Variants in SNRPN observed in about 807,000 individuals in gnomAD.
SNRPN encodes small nuclear ribonucleoprotein polypeptide N.
In SNRPN, 7 loss-of-function variants were observed where a neutral mutation model predicts 25.2. The observed-to-expected ratio is 0.28, with a 90% CI of 0.16 to 0.52. SNRPN has a LOEUF of 0.52. Ranked by LOEUF, SNRPN falls within the 20% of genes least tolerant of loss-of-function variation. The pLI, the probability that SNRPN is intolerant of heterozygous loss-of-function variation, is 0.96. For synonymous variants in SNRPN, 124 were observed against 110.6 expected (o/e 1.12, Z -0.76); for missense variants, 196 against 322.5 (o/e 0.61, Z 3.00).
At chr15:24,948,334 A>C (rs2062013692) in intron 3 of SNRPN, among the ~76,000 whole-genome samples, 1 of 151,868 alleles carries the variant, frequency 6.6e-6, no homozygotes, top group African/African-American at 2.4e-5. Flanking sequence ...GGATGGTCTG[A>C]ATCTCCTGAC....
chr15:24,826,644 C>A (rs1566797045), intron 1 of SNRPN, among the ~76,000 whole-genome samples: 1 of 151,912 alleles, frequency 6.6e-6, no homozygotes, highest in Non-Finnish European at 1.5e-5. Flanking sequence ...TAAAGAAAAA[C>A]CTATGATTTA....
chr15:24,950,239 G>A (rs926490479), upstream of SNRPN, among the ~76,000 whole-genome samples: 1 of 151,606 alleles, frequency 6.6e-6, no homozygotes, highest in African/African-American at 2.4e-5. Flanking sequence ...TGCAATGGCA[G>A]GGTCTTGGCT....
intron 2 of SNRPN, among the ~76,000 whole-genome samples, chr15:24,840,644 C>G: frequency 6.6e-6 from 1 of 152,164 alleles, no homozygotes; most frequent in East Asian, 1.9e-4. Context: ...AGAAGAACCC[C>G]CATGTGAGAT....
chr15:24,877,187 G>A (rs1441098750), intron 1 of SNRPN, among the ~76,000 whole-genome samples: 2 of 152,166 alleles, frequency 1.3e-5, no homozygotes, highest in Non-Finnish European at 2.9e-5. Flanking sequence ...CGTATTTTCA[G>A]ATAAAATCTA....
chr15:24,947,307 A>C (rs960092047), intron 3 of SNRPN, among the ~76,000 whole-genome samples: 2 of 152,184 alleles, frequency 1.3e-5, no homozygotes, highest in Non-Finnish European at 2.9e-5. Context: ...GCAGTTATAC[A>C]GGGAAAACTT....
intron 2 of SNRPN, among the ~76,000 whole-genome samples, chr15:24,894,482 G>T (rs923066774): frequency 5.3e-5 from 8 of 152,144 alleles, no homozygotes; most frequent in Admixed American, 4.6e-4. Context: ...GCCTCCCAAA[G>T]TGCTGGGATT....
chr15:24,873,541 C>T (rs1012450680), intron 1 of SNRPN, among the ~76,000 whole-genome samples: 30 of 150,588 alleles, frequency 2.0e-4, no homozygotes, highest in Admixed American at 9.4e-4. Flanking sequence ...TCCGCCTCCC[C>T]GGTTCACACC....
chr15:24,882,802 C>T (rs897415150), intron 1 of SNRPN, among the ~76,000 whole-genome samples: 11 of 117,018 alleles, frequency 9.4e-5, no homozygotes, highest in Admixed American at 5.2e-4. Flanking sequence ...CCAGCTTGGG[C>T]GACAGAGCGA....
intron 1 of SNRPN, among the ~76,000 whole-genome samples, chr15:24,867,343 C>T (rs1248346576): frequency 6.6e-6 from 1 of 151,582 alleles, no homozygotes; most frequent in Admixed American, 6.6e-5. Context: ...TTTTAATTTA[C>T]ATTTCCCTGT....
At chr15:24,910,410 G>A (rs2059137265) in intron 2 of SNRPN, among the ~76,000 whole-genome samples, 1 of 152,156 alleles carries the variant, frequency 6.6e-6, no homozygotes, top group Admixed American at 6.5e-5. Context: ...TTCAGCACAG[G>A]AGGTCGAGGC....
At chr15:24,844,409 C>T (rs982214031) in intron 2 of SNRPN, among the ~76,000 whole-genome samples, 1 of 152,192 alleles carries the variant, frequency 6.6e-6, no homozygotes, top group Non-Finnish European at 1.5e-5. Flanking sequence ...ATATGACCTA[C>T]ATCTGTTAAG....
chr15:24,882,219 T>C (rs1473465069), intron 1 of SNRPN, among the ~76,000 whole-genome samples: 1 of 146,388 alleles, frequency 6.8e-6, no homozygotes, highest in Non-Finnish European at 1.5e-5. Context: ...CTAACTTTCA[T>C]TTTTGCTACA....
intron 3 of SNRPN, among the ~76,000 whole-genome samples, chr15:24,939,502 G>A (rs537497526): frequency 2.8e-4 from 43 of 152,008 alleles, no homozygotes; most frequent in Non-Finnish European, 4.7e-4. Context: ...GCCCAATCTC[G>A]GCTCACTGCA....
intron 3 of SNRPN, among the ~76,000 whole-genome samples, chr15:24,936,450 G>A (rs2061239787): frequency 6.6e-6 from 1 of 152,128 alleles, no homozygotes; most frequent in African/African-American, 2.4e-5. Context: ...TTTGGACCAA[G>A]GGCCTAGTGA....
Position 24,900,385 on chromosome 15 carries a change from G to A in SNRPN, c.-505+13796G>A, listed in dbSNP as rs557481169. On this transcript the variant is annotated intron_variant, in intron 2 of 11. Transcript: ENST00000400097. ...ATGGGTCAGGAAACTTGGAATGGGGGAATCTGTTTAGACTCAGTTGAAACT... is the reference window on the plus strand; with the variant it reads ...ATGGGTCAGGAAACTTGGAATGGGGAAATCTGTTTAGACTCAGTTGAAACT... 5.3e-5 allele frequency among the ~76,000 whole-genome samples: 8 copies of A among 152,294 alleles called. No homozygotes were observed. In the East Asian group the frequency reaches 9.7e-4, roughly 18 times the overall value.
intron 1 of SNRPN, among the ~76,000 whole-genome samples, chr15:24,864,976 C>T (rs2054425967): frequency 6.6e-6 from 1 of 151,334 alleles, no homozygotes; most frequent in African/African-American, 2.4e-5. Flanking sequence ...GAAGGTAGCC[C>T]TACAGCATGT....
intron 3 of SNRPN, among the ~76,000 whole-genome samples, chr15:24,932,424 G>C (rs140931943): frequency 2.0e-5 from 3 of 152,072 alleles, no homozygotes; most frequent in African/African-American, 7.2e-5. Context: ...AGTAGAAACG[G>C]GGTTTCACCA....
intron 1 of SNRPN, among the ~76,000 whole-genome samples, chr15:24,956,868 C>T (rs559848656): frequency 1.3e-5 from 2 of 152,314 alleles, no homozygotes; most frequent in East Asian, 3.9e-4. Flanking sequence ...TACTGCTTTT[C>T]AGCTCTGCAG....
At chr15:24,861,408 A>C (rs912421593) in intron 1 of SNRPN, among the ~76,000 whole-genome samples, 2 of 152,180 alleles carry the variant, frequency 1.3e-5, no homozygotes, top group Admixed American at 1.3e-4. Flanking sequence ...ACATAAAAAG[A>C]TGGTATAAAA....
Sources: gnomAD v4.1 joint callset for allele counts (sites outside exome capture counted in the v4.1 genomes callset) on GRCh38, gnomAD v4.1.1 for gene constraint, MANE v1.5 for transcripts, NCBI Gene and HGNC (gene_info 2026-07-23, HGNC 2026-07-21) for gene names.